Variants in ZNF608 observed in about 807,000 individuals in gnomAD.
ZNF608 encodes the protein renal carcinoma antigen NY-REN-36.
A neutral mutation model predicts 109.0 loss-of-function variants in ZNF608; 12 were observed. The ratio of observed to expected loss-of-function variants is 0.11; its 90% CI spans 0.07 to 0.18. The LOEUF is 0.18. Ranked by LOEUF, ZNF608 falls within the 10% of genes least tolerant of loss-of-function variation. The pLI is 1.00. For synonymous variants in ZNF608, 732 were observed against 717.4 expected, an observed-to-expected ratio of 1.02 and a Z score of -0.33; for missense variants, 1,707 against 1,879.3, an observed-to-expected ratio of 0.91 and a Z score of 1.70.
At chr5:124,679,242 T>G (rs994718984) in intron 3 of ZNF608, among the ~76,000 whole-genome samples, 7 of 152,190 alleles carry the variant, frequency 4.6e-5, no homozygotes, top group African/African-American at 1.7e-4. Flanking sequence ...ACAAGCTCCC[T>G]CTGGGTGCCT....
intron 2 of ZNF608, among the ~76,000 whole-genome samples, chr5:124,718,632 G>A (rs1381629431): frequency 3.9e-5 from 6 of 152,136 alleles, no homozygotes; most frequent in African/African-American, 1.2e-4. Flanking sequence ...GAGGAGGGGC[G>A]ATGTGAAAGC....
intron 3 of ZNF608, among the ~76,000 whole-genome samples, chr5:124,654,723 ATG>A (rs1750935024): frequency 6.6e-6 from 1 of 152,220 alleles, no homozygotes; most frequent in Admixed American, 6.5e-5. Context: ...GAACTGATGA[ATG>A]TGGGCCACTT....
At chr5:124,736,126 C>T (rs1469752002) in intron 2 of ZNF608, among the ~76,000 whole-genome samples, 2 of 152,058 alleles carry the variant, frequency 1.3e-5, no homozygotes, top group Non-Finnish European at 2.9e-5. Context: ...CTATTTTCCC[C>T]TTCGTTGCAA....
At chr5:124,649,903 C>T (rs1034620528) in intron 3 of ZNF608, among the ~76,000 whole-genome samples, 4 of 152,316 alleles carry the variant, frequency 2.6e-5, no homozygotes, top group South Asian at 4.1e-4. Context: ...TGCATTCGTG[C>T]GCGTGCGCAT....
rs1463313968 is a variant in ZNF608 at position 124,637,475 on chromosome 5, C to T, written c.*425G>A. ...GAAGGATATGCAAGGTTCAGGCACA[C>T]TGATACATAACATTATTTATTTACA... On this transcript the variant is annotated 3_prime_UTR_variant, in exon 10 of 10. Coordinates refer to ENST00000513986, the MANE Select transcript of ZNF608 (RefSeq NM_020747.3). 1 of 152,656 alleles carries T rather than the reference C, an allele frequency of 6.6e-6. No homozygotes were observed. Among genetic ancestry groups the T allele is most frequent in the East Asian group, 1.9e-4 (1 of 5,190 alleles). The allele number at this position is 152,656 out of a possible 1,614,324, so 9.5% of individuals were successfully genotyped here.
rs1750211094 is a variant in ZNF608, at chr5:124,641,002, T to C, written c.4450+250A>G. ...CAGACACTGGCCACCGCCCTCAGTC[T>C]GTGAGATAACAGTAAGCTGCCGATA... On this transcript the variant is annotated intron_variant, in intron 8 of 9. Transcript: ENST00000513986. Among the ~76,000 whole-genome samples, 3 of 152,194 alleles carry C rather than the reference T, an allele frequency of 2.0e-5. No individual in the cohort carries two copies. In the South Asian group the frequency reaches 6.2e-4, roughly 31 times the overall value.
At chr5:124,651,051 A>C (rs1008520579) in intron 3 of ZNF608, among the ~76,000 whole-genome samples, 2 of 152,256 alleles carry the variant, frequency 1.3e-5, no homozygotes, top group African/African-American at 2.4e-5. Flanking sequence ...GCTATTACTT[A>C]GGCAACAGCT....
chr5:124,640,612 G>C (rs1428972405), intron 8 of ZNF608, among the ~76,000 whole-genome samples: 2 of 152,208 alleles, frequency 1.3e-5, no homozygotes, highest in African/African-American at 4.8e-5. Context: ...AAGTTGTAAA[G>C]ATGGTGCCAC....
At position 124,701,059 on chromosome 5, in the gene ZNF608, T is replaced by A; in HGVS notation, c.1117A>T (p.Thr373Ser). 1.2e-6 allele frequency: 2 copies of A among 1,614,138 alleles called. No homozygotes were observed. Among genetic ancestry groups the A allele is most frequent in the Non-Finnish European group, 1.7e-6 (2 of 1,180,010 alleles). The change falls in exon 3 of 10, where the codon ACC becomes TCC. Residue 373 changes from threonine (T) to serine (S), a missense_variant. By Grantham distance (58) the Thr-to-Ser change is moderately conservative. Coordinates refer to ENST00000513986, the MANE Select transcript of ZNF608 (RefSeq NM_020747.3). ...ACGATCCCTTCCAAATTCACACTGG[T>A]CCCAGGTTCACAGGGCCCAAGACAC... ...PECLGPCEPG[T>S]SVNLEGIVWH... is the part of the protein sequence containing the mutation.
At chr5:124,736,397 G>A (rs1749148602) in intron 2 of ZNF608, among the ~76,000 whole-genome samples, 1 of 152,194 alleles carries the variant, frequency 6.6e-6, no homozygotes, top group Non-Finnish European at 1.5e-5. Flanking sequence ...CCAAGGAAGT[G>A]ACAGGAAATC....
rs369876489 is a variant in ZNF608 at position 124,647,839 on chromosome 5, A to G, written c.2545T>C (p.Leu849=). ...TGATCCTTTAAAAAATGCCCAGGTA[A>G]ATCTTTGCTGGCCCCCTTGGAGTCC... ...LEDSKGASKD[L]PGHFLKDHLN... Residue 849 remains leucine, a synonymous_variant, in exon 5 of 10, where the codon TTA becomes CTA. Coordinates refer to ENST00000513986, the MANE Select transcript of ZNF608 (RefSeq NM_020747.3). 2 of 1,613,972 alleles carry G rather than the reference A, an allele frequency of 1.2e-6. No individual in the cohort carries two copies. Among genetic ancestry groups the G allele is most frequent in the Admixed American group, 1.7e-5 (1 of 60,002 alleles).
At chr5:124,740,851 A>C (rs964382512) in intron 2 of ZNF608, among the ~76,000 whole-genome samples, 1 of 152,202 alleles carries the variant, frequency 6.6e-6, no homozygotes, top group Non-Finnish European at 1.5e-5. Context: ...TATATTTTTG[A>C]ATTTTCCAGA....
intron 2 of ZNF608, among the ~76,000 whole-genome samples, chr5:124,705,342 T>G (rs1221378554): frequency 6.6e-6 from 1 of 152,174 alleles, no homozygotes; most frequent in Non-Finnish European, 1.5e-5. Flanking sequence ...GTACTTGCTG[T>G]GTGGAACCCT....
chr5:124,672,946 A>G (rs1248807637), intron 3 of ZNF608, among the ~76,000 whole-genome samples: 11 of 152,214 alleles, frequency 7.2e-5, no homozygotes, highest in Non-Finnish European at 1.3e-4. Context: ...GACAACAGTA[A>G]GTTCCTACTA....
upstream of ZNF608, chr5:124,748,454 A>G: frequency 2.5e-6 from 2 of 790,314 alleles, no homozygotes; most frequent in Non-Finnish European, 3.1e-6. Context: ...CCTCATTTCT[A>G]TGCATAAAAC....
intron 2 of ZNF608, among the ~76,000 whole-genome samples, chr5:124,706,290 A>G (rs926089173): frequency 6.6e-6 from 1 of 152,212 alleles, no homozygotes. Flanking sequence ...TCATGTGACT[A>G]CTACAGAAGA....
intron 2 of ZNF608, among the ~76,000 whole-genome samples, chr5:124,729,831 T>C (rs1748813822): frequency 6.6e-6 from 1 of 152,218 alleles, no homozygotes; most frequent in East Asian, 1.9e-4. Context: ...ATTCACTAAA[T>C]TAGTCACAGA....
chr5:124,696,042 G>C (rs1429536368), intron 3 of ZNF608, among the ~76,000 whole-genome samples: 3 of 152,020 alleles, frequency 2.0e-5, no homozygotes, highest in Non-Finnish European at 4.4e-5. Flanking sequence ...AAATTATCGA[G>C]GTGTGGTGGC....
chr5:124,694,142 A>ATTTTTTTTTTTTT (rs11320730), intron 3 of ZNF608, among the ~76,000 whole-genome samples: 408 of 63,930 alleles, frequency 6.4e-3, no homozygotes, highest in East Asian at 9.4e-3. Context: ...CGCTCGGCTA[A>ATTTTTTTTTTTTT]TTTTTTTTTT....
Sources: allele counts gnomAD v4.1 joint callset (sites outside exome capture counted in the v4.1 genomes callset), GRCh38; gene constraint gnomAD v4.1.1; transcripts MANE v1.5; gene names NCBI Gene and HGNC (gene_info 2026-07-23, HGNC 2026-07-21).